Variants in ELMO1 observed in about 807,000 individuals in gnomAD.
ELMO1 encodes the protein engulfment and cell motility protein 1.
A neutral mutation model predicts 98.9 loss-of-function variants in ELMO1; 26 were observed. The ratio of observed to expected loss-of-function variants is 0.26; its 90% CI spans 0.19 to 0.36. The LOEUF (loss-of-function observed/expected upper bound fraction) is 0.36, where lower values mean the gene tolerates loss of function less well. ELMO1 is among the 10% of genes least tolerant of loss of function. The probability of loss-of-function intolerance (pLI) is 1.00; values close to 1 mark genes in which losing one functional copy is unlikely to be tolerated. For synonymous variants in ELMO1, 346 were observed against 346.0 expected (o/e 1.00, Z 0.00); for missense variants, 627 against 935.2 (o/e 0.67, Z 4.30).
At chr7:37,016,627 C>A (rs959297936) in intron 15 of ELMO1, among the ~76,000 whole-genome samples, 1 of 152,162 alleles carries the variant, frequency 6.6e-6, no homozygotes, top group African/African-American at 2.4e-5. Flanking sequence ...ACAGCAAGTG[C>A]GTAGCCAGTG....
intron 4 of ELMO1, among the ~76,000 whole-genome samples, chr7:37,291,882 C>G (rs62459335): frequency 1.3e-5 from 2 of 149,684 alleles, no homozygotes; most frequent in Non-Finnish European, 3.0e-5. Context: ...ACCACTGCAC[C>G]GCAGCCTGGG....
At chr7:36,922,925 A>G (rs1785261762) in intron 16 of ELMO1, among the ~76,000 whole-genome samples, 1 of 152,258 alleles carries the variant, frequency 6.6e-6, no homozygotes, top group Non-Finnish European at 1.5e-5. Context: ...GACGATGAGT[A>G]GAAATGACCA....
Position 37,139,771 on chromosome 7 carries a change from CAAAA to C in ELMO1, c.1087-6541_1087-6538del, listed in dbSNP as rs368149672. ...CCCACAGAGCCAATGCAAGACTAAA[CAAAA>C]AGAACAAATCTGGAGGTATCACATT... On this transcript the variant is annotated intron_variant, in intron 13 of 21. Coordinates refer to ENST00000310758, the MANE Select transcript of ELMO1 (RefSeq NM_014800.11). Among the ~76,000 whole-genome samples, 23 of 152,060 alleles carry C rather than the reference CAAAA, an allele frequency of 1.5e-4. No homozygotes were observed. The East Asian group carries it at 1.7e-3, about 11-fold the overall frequency.
intron 1 of ELMO1, chr7:37,419,853 T>G (rs1297955430): frequency 1.3e-5 from 2 of 152,218 alleles, no homozygotes; most frequent in Non-Finnish European, 2.9e-5. Flanking sequence ...CATTTTCATA[T>G]CATTTATTTC....
intron 4 of ELMO1, among the ~76,000 whole-genome samples, chr7:37,295,221 G>C (rs932369759): frequency 1.3e-5 from 2 of 152,152 alleles, no homozygotes; most frequent in East Asian, 3.8e-4. Context: ...GGAATAGAAG[G>C]AGAGATAGAA....
chr7:37,418,837 G>C (rs1424024603), intron 1 of ELMO1, among the ~76,000 whole-genome samples: 1 of 152,190 alleles, frequency 6.6e-6, no homozygotes, highest in East Asian at 1.9e-4. Flanking sequence ...TGCAGTGAAG[G>C]GGCAGTGAGG....
chr7:37,005,446 C>T (rs958410888), intron 16 of ELMO1, among the ~76,000 whole-genome samples: 7 of 152,082 alleles, frequency 4.6e-5, no homozygotes, highest in Admixed American at 1.3e-4. Flanking sequence ...AATCCCAGCA[C>T]TTCGGGAGGC....
chr7:37,387,621 C>G (rs1210699147), intron 1 of ELMO1, among the ~76,000 whole-genome samples: 1 of 152,154 alleles, frequency 6.6e-6, no homozygotes, highest in Non-Finnish European at 1.5e-5. Context: ...ACAATTCACT[C>G]CAGACAGGCA....
rs552121182 is a variant in ELMO1, at chr7:37,025,749, A to G, written c.1301-12314T>C. ...CCAGCTTTCAGATGGCAGTTTGTAG[A>G]ACTTCTCAGCCTTCATAACTACATG... is the stretch of plus-strand genomic sequence containing the variant. On this transcript the variant is annotated intron_variant, in intron 15 of 21. Transcript: ENST00000310758. 2.5e-3 allele frequency among the ~76,000 whole-genome samples: 375 copies of G among 152,032 alleles called. 5 individuals carry two copies. The highest frequency in any genetic ancestry group is 8.7e-3 in the African/African-American group (361 of 41,480).
intron 13 of ELMO1, among the ~76,000 whole-genome samples, chr7:37,199,022 CAT>C (rs1296803979): frequency 6.6e-6 from 1 of 152,198 alleles, no homozygotes; most frequent in Non-Finnish European, 1.5e-5. Flanking sequence ...TTCTCACACA[CAT>C]GCCTTTGATA....
intron 4 of ELMO1, among the ~76,000 whole-genome samples, chr7:37,310,860 C>G (rs76061866): frequency 6.6e-6 from 1 of 152,104 alleles, no homozygotes; most frequent in African/African-American, 2.4e-5. Flanking sequence ...TCACTTTTCT[C>G]GTAAAATGAA....
At chr7:37,316,400 T>C (rs1799159821) in intron 2 of ELMO1, among the ~76,000 whole-genome samples, 1 of 152,188 alleles carries the variant, frequency 6.6e-6, no homozygotes, top group Non-Finnish European at 1.5e-5. Context: ...TAAGAACATG[T>C]GGCAAATGGA....
chr7:37,307,833 T>C (rs1186599838), intron 4 of ELMO1, among the ~76,000 whole-genome samples: 1 of 152,158 alleles, frequency 6.6e-6, no homozygotes, highest in Non-Finnish European at 1.5e-5. Context: ...ACCATGCAGC[T>C]GGGTGTGGTG....
chr7:37,338,354 C>A (rs1166888283), intron 2 of ELMO1, among the ~76,000 whole-genome samples: 1 of 152,152 alleles, frequency 6.6e-6, no homozygotes, highest in East Asian at 1.9e-4. Flanking sequence ...GGTATAAAAA[C>A]ATGCTTGACA....
intron 4 of ELMO1, among the ~76,000 whole-genome samples, chr7:37,292,751 C>CA: frequency 9.6e-6 from 1 of 104,408 alleles, no homozygotes; most frequent in African/African-American, 3.3e-5. Context: ...GGGTCAGCCC[C>CA]CCGCCCGGCC....
chr7:37,298,449 C>T (rs1798171545), intron 4 of ELMO1, among the ~76,000 whole-genome samples: 1 of 75,270 alleles, frequency 1.3e-5, no homozygotes, highest in Non-Finnish European at 2.5e-5. Flanking sequence ...GCTATCCCTC[C>T]TCCCTCCCCC....
At chr7:37,385,908 C>T (rs904999276) in intron 1 of ELMO1, among the ~76,000 whole-genome samples, 3 of 152,188 alleles carry the variant, frequency 2.0e-5, no homozygotes, top group African/African-American at 7.2e-5. Flanking sequence ...GATGCCAATT[C>T]CCCAGGAAGT....
chr7:37,216,634 T>G lies in ELMO1; in HGVS notation c.831+11A>C. The G allele has an allele frequency of 6.2e-7, 1 of 1,613,998 alleles. No homozygotes were observed. The highest frequency in any genetic ancestry group is 8.5e-7 in the Non-Finnish European group (1 of 1,179,930). ...TCCCCCACAAAGAGGTCACAGCGCA[T>G]AGGTACTCACTGTTAAAATGATGGA... On this transcript the variant is annotated intron_variant, in intron 11 of 21. Transcript: ENST00000310758.
At chr7:37,404,007 A>G (rs1368743491) in intron 1 of ELMO1, among the ~76,000 whole-genome samples, 1 of 152,192 alleles carries the variant, frequency 6.6e-6, no homozygotes, top group Non-Finnish European at 1.5e-5. Flanking sequence ...GATAGCAGGC[A>G]TATATTGGAA....
Sources: allele counts gnomAD v4.1 joint callset (sites outside exome capture counted in the v4.1 genomes callset), GRCh38; gene constraint gnomAD v4.1.1; transcripts MANE v1.5; gene names NCBI Gene and HGNC (gene_info 2026-07-23, HGNC 2026-07-21).